Variants in CUBN observed in about 807,000 individuals in gnomAD.
CUBN encodes cubilin, also known as 460 kDa receptor.
In CUBN, 282 loss-of-function variants were observed where a neutral mutation model predicts 405.3. That is an observed-to-expected ratio of 0.70 (90% CI 0.63 to 0.77). CUBN has a LOEUF of 0.77. Ranked by LOEUF, CUBN falls within the 30% of genes least tolerant of loss-of-function variation. CUBN has a pLI of 0.00. For missense variants in CUBN, 4,514 were observed against 4,475.2 expected (o/e 1.01, Z -0.25); for synonymous variants, 1,684 against 1,617.0 (o/e 1.04, Z -0.99).
chr10:16,897,745 T>A (rs1252987606), intron 54 of CUBN, among the ~76,000 whole-genome samples: 1 of 152,196 alleles, frequency 6.6e-6, no homozygotes, highest in Non-Finnish European at 1.5e-5. Context: ...CCACACAGCA[T>A]TTCTTGGCAG....
intron 37 of CUBN, among the ~76,000 whole-genome samples, chr10:16,939,803 G>C (rs1842605802): frequency 6.6e-6 from 1 of 152,112 alleles, no homozygotes; most frequent in Admixed American, 6.6e-5. Flanking sequence ...GTAGAAATTA[G>C]AGCTTAAAAA....
At chr10:16,982,373 T>C (rs1295342071) in intron 31 of CUBN, 111 bp downstream of exon 31, 1 of 970,774 alleles carries the variant, frequency 1.0e-6, no homozygotes, top group Non-Finnish European at 1.6e-6. Flanking sequence ...TGGTTTCCTA[T>C]GAATCGACAT....
Position 16,937,643 on chromosome 10 carries a change from C to T in CUBN, c.5875G>A (p.Glu1959Lys), listed in dbSNP as rs928768082. Residue 1959 changes from glutamate to lysine, a missense_variant, in exon 39 of 67, where the codon GAG (glutamate) becomes AAG (lysine). Transcript: ENST00000377833. ...SSISGKGFLL[E>K]WFAVDAPDGV... ...TCAGGTGCATCCACTGCAAACCACTCCAGAAGGAATCCCTTCCCTGAGATT... is the reference window on the plus strand; with the variant it reads ...TCAGGTGCATCCACTGCAAACCACTTCAGAAGGAATCCCTTCCCTGAGATT... The T allele has an allele frequency of 6.2e-7, 1 of 1,613,964 alleles. No individual in the cohort carries two copies.
chr10:17,126,089 A>G (rs1407608403), intron 4 of CUBN, among the ~76,000 whole-genome samples: 2 of 152,196 alleles, frequency 1.3e-5, no homozygotes, highest in Non-Finnish European at 2.9e-5. Context: ...AAAACAGATG[A>G]AGAATATTTT....
intron 58 of CUBN, 56 bp downstream of exon 58, chr10:16,874,318 C>A: frequency 6.3e-7 from 1 of 1,590,322 alleles, no homozygotes; most frequent in Non-Finnish European, 8.6e-7. Flanking sequence ...ACGAATGGCT[C>A]TTCTATAAAT....
At chr10:16,983,497 C>T (rs950042317) in intron 30 of CUBN, among the ~76,000 whole-genome samples, 1 of 152,160 alleles carries the variant, frequency 6.6e-6, no homozygotes, top group Non-Finnish European at 1.5e-5. Flanking sequence ...AGCGGACTTC[C>T]CTCACAGGGT....
chr10:17,000,051 G>A (rs568625290), intron 28 of CUBN, among the ~76,000 whole-genome samples: 4 of 152,318 alleles, frequency 2.6e-5, no homozygotes, highest in African/African-American at 7.2e-5. Flanking sequence ...CAGGCCCCTC[G>A]CAGGGCAAAT....
intron 27 of CUBN, among the ~76,000 whole-genome samples, chr10:17,028,707 TGA>T (rs932935413): frequency 5.4e-5 from 8 of 146,936 alleles, no homozygotes; most frequent in African/African-American, 1.5e-4. Context: ...GGCAACAGAG[TGA>T]GACTCTGTCT....
At chr10:16,855,047 C>T in intron 59 of CUBN, among the ~76,000 whole-genome samples, 1 of 107,834 alleles carries the variant, frequency 9.3e-6, no homozygotes, top group Non-Finnish European at 2.0e-5. Context: ...TATCTCTCTT[C>T]CCCTCCCCTC....
At chr10:17,057,628 C>CA (rs1835423827) in intron 22 of CUBN, among the ~76,000 whole-genome samples, 1 of 151,832 alleles carries the variant, frequency 6.6e-6, no homozygotes, top group African/African-American at 2.4e-5. Flanking sequence ...AATACGTCCA[C>CA]AAAAAACCTG....
At chr10:16,848,328 A>G (rs1487017059) in intron 60 of CUBN, among the ~76,000 whole-genome samples, 1 of 152,186 alleles carries the variant, frequency 6.6e-6, no homozygotes. Flanking sequence ...CATTATTTTT[A>G]GTTTTTAAGA....
chr10:16,948,188 G>A (rs543952248), intron 35 of CUBN, among the ~76,000 whole-genome samples: 22 of 152,268 alleles, frequency 1.4e-4, no homozygotes, highest in Admixed American at 1.3e-3. Context: ...CAACCTGGGC[G>A]ACCAAGTGAG....
rs760646522 is a variant in CUBN at position 17,038,841 on chromosome 10, G to C, written c.4017+2192C>G. The stretch of plus-strand genomic sequence containing the variant: ...CGCCGTTTTTTTGGAAGGCCTTTCT[G>C]AACTTCTGGTTCTCATTTTGTATTT... On this transcript the variant is annotated intron_variant, in intron 27 of 66. Transcript: ENST00000377833. Among the ~76,000 whole-genome samples, 206 of 152,278 alleles carry C rather than the reference G, an allele frequency of 1.4e-3. 1 individual carries two copies. Among genetic ancestry groups the C allele is most frequent in the Non-Finnish European group, 2.5e-3 (173 of 68,030 alleles).
At chr10:17,022,517 G>A (rs1834525928) in intron 27 of CUBN, among the ~76,000 whole-genome samples, 1 of 152,088 alleles carries the variant, frequency 6.6e-6, no homozygotes, top group Non-Finnish European at 1.5e-5. Flanking sequence ...AATAAGAGAA[G>A]AATAAAGCAA....
intron 60 of CUBN, among the ~76,000 whole-genome samples, chr10:16,849,709 G>A (rs768553393): frequency 9.9e-5 from 15 of 151,876 alleles, no homozygotes; most frequent in Non-Finnish European, 1.3e-4. Flanking sequence ...TGCCATCACC[G>A]CCATGGCTGC....
chr10:16,904,832 G>A (rs1428573341), intron 50 of CUBN, among the ~76,000 whole-genome samples: 2 of 152,222 alleles, frequency 1.3e-5, no homozygotes, highest in African/African-American at 4.8e-5. Context: ...CCACAAGCCG[G>A]TGGTTTTGAA....
At chr10:16,825,964 C>T (rs1838764591) in intron 66 of CUBN, among the ~76,000 whole-genome samples, 1 of 152,008 alleles carries the variant, frequency 6.6e-6, no homozygotes, top group Admixed American at 6.6e-5. Context: ...TTCCTATACA[C>T]ATCTACTTTT....
At chr10:17,026,456 A>AC (rs2131797749) in intron 27 of CUBN, among the ~76,000 whole-genome samples, 1 of 151,956 alleles carries the variant, frequency 6.6e-6, no homozygotes, top group East Asian at 1.9e-4. Context: ...ACATGGCAAA[A>AC]CCCTGTCTCT....
intron 39 of CUBN, among the ~76,000 whole-genome samples, chr10:16,934,857 G>C (rs987804208): frequency 6.6e-6 from 1 of 152,202 alleles, no homozygotes; most frequent in Non-Finnish European, 1.5e-5. Context: ...TGGATGATGA[G>C]AGGCACCCAG....
Sources: allele counts gnomAD v4.1 joint callset (sites outside exome capture counted in the v4.1 genomes callset), GRCh38; gene constraint gnomAD v4.1.1; transcripts MANE v1.5; gene names NCBI Gene and HGNC (gene_info 2026-07-23, HGNC 2026-07-21).